Variants in MEAK7 observed in about 807,000 individuals in gnomAD.
The protein encoded by MEAK7 is MTOR-associated protein MEAK7.
In MEAK7, 68 loss-of-function variants were observed where a neutral mutation model predicts 40.5. The observed-to-expected ratio is 1.68, with a 90% confidence interval of 1.38 to 2.06. MEAK7 has a LOEUF of 2.06. Ranked by LOEUF, MEAK7 falls within the 30% of genes most tolerant of loss-of-function variation. The probability of loss-of-function intolerance (pLI) is 0.00; values close to 1 mark genes in which losing one functional copy is unlikely to be tolerated. For synonymous variants in MEAK7, 338 were observed against 231.9 expected (o/e 1.46, Z -4.16); for missense variants, 918 against 580.5 (o/e 1.58, Z -5.98).
intron 3 of MEAK7, among the ~76,000 whole-genome samples, chr16:84,493,408 G>T (rs78289424): frequency 1.3e-5 from 2 of 152,154 alleles, no homozygotes; most frequent in Admixed American, 6.5e-5. Flanking sequence ...GACTCATAGG[G>T]GGCTGACGTA....
intron 1 of MEAK7, 95 bp downstream of exon 1, chr16:84,504,506 C>G (rs1914740705): frequency 2.5e-6 from 2 of 814,792 alleles, no homozygotes. Context: ...GGGCAGGGCC[C>G]AGGCCTACTC....
chr16:84,490,630 C>T (rs1436573665), intron 3 of MEAK7, among the ~76,000 whole-genome samples: 1 of 124,384 alleles, frequency 8.0e-6, no homozygotes, highest in African/African-American at 3.0e-5. Context: ...TGGTTAAAGT[C>T]AGCTTAATTA....
chr16:84,490,958 A>C (rs1441219340), intron 3 of MEAK7, among the ~76,000 whole-genome samples: 2 of 120,232 alleles, frequency 1.7e-5, no homozygotes, highest in Non-Finnish European at 3.7e-5. Context: ...TAAACAGACC[A>C]GTTCCTCTCA....
At chr16:84,480,742 G>A (rs200178323) in intron 6 of MEAK7, 34 bp from the exon 7 acceptor site, 2 of 1,581,128 alleles carry the variant, frequency 1.3e-6, no homozygotes, top group South Asian at 2.3e-5. Flanking sequence ...AATAGCATCA[G>A]CAACTCCTCA....
In MEAK7 at chr16:84,479,069, A is replaced by G. The variant is rs1232582689; in HGVS notation, c.*844T>C. ...CTGTTCCTCACACACATTCATTTAA[A>G]AACAGCTGAGAGAGCTGGGTGTGGA... On this transcript the variant is annotated 3_prime_UTR_variant, in exon 8 of 8. Transcript: ENST00000343629. 6.6e-6 allele frequency: 1 copy of G among 152,202 alleles called. No homozygotes were observed. The highest frequency in any genetic ancestry group is 1.9e-4 in the East Asian group (1 of 5,196). The allele number at this position is 152,202 out of a possible 1,614,324, so 9.4% of individuals were successfully genotyped here.
chr16:84,503,299 C>T (rs394001), intron 1 of MEAK7, among the ~76,000 whole-genome samples: 28,943 of 152,164 alleles, frequency 0.19, 2,808 homozygotes, highest in South Asian at 0.25. Context: ...ACGGGTTGGA[C>T]GAGCTTGCCC....
chr16:84,480,393 C>A, intron 7 of MEAK7, 136 bp downstream of exon 7: 2 of 1,087,396 alleles, frequency 1.8e-6, no homozygotes, highest in Non-Finnish European at 2.6e-6. Flanking sequence ...GGCATCCAAG[C>A]CAGCATCAGC....
chr16:84,491,186 T>A (rs446113), intron 3 of MEAK7, among the ~76,000 whole-genome samples: 6 of 152,052 alleles, frequency 3.9e-5, no homozygotes, highest in Non-Finnish European at 7.4e-5. Context: ...ACGCCTGTAA[T>A]CCCTCCACTT....
chr16:84,485,485 G>C (rs1449454565), intron 5 of MEAK7, among the ~76,000 whole-genome samples: 1 of 152,186 alleles, frequency 6.6e-6, no homozygotes, highest in African/African-American at 2.4e-5. Context: ...CCTCTGCCTG[G>C]TGGAGAAATG....
At position 84,480,501 on chromosome 16, in the gene MEAK7, C is replaced by T. The variant is rs201462003; in HGVS notation, c.1257+28G>A. 3.5e-4 allele frequency: 553 copies of T among 1,568,224 alleles called. 1 individual carries two copies. The highest frequency in any genetic ancestry group is 8.1e-4 in the Admixed American group (43 of 53,000). On this transcript the variant is annotated intron_variant, in intron 7 of 7. Transcript: ENST00000343629. ...AGGCCCCCAGGCTCAAGGGGCCATC[C>T]TGGGATGCAGAGGACAGCTCCACTC... is the stretch of plus-strand genomic sequence containing the variant.
rs148752101 is a variant in MEAK7 at position 84,477,991 on chromosome 16, G to A, written c.*1922C>T. On this transcript the variant is annotated 3_prime_UTR_variant, in exon 8 of 8. Transcript: ENST00000343629. The stretch of plus-strand genomic sequence containing the variant: ...TGGACAAAGTCCTAACCTTTGCAGC[G>A]GCCTGGGCAGAAGCAGCAATCAATG... 5.3e-5 allele frequency: 8 copies of A among 152,324 alleles called. No individual in the cohort carries two copies. The highest frequency in any genetic ancestry group is 1.9e-4 in the East Asian group (1 of 5,184). The allele number at this position is 152,324 out of a possible 1,614,324, so 9.4% of individuals were successfully genotyped here.
chr16:84,481,336 G>A (rs1317882943), intron 6 of MEAK7, among the ~76,000 whole-genome samples: 1 of 151,854 alleles, frequency 6.6e-6, no homozygotes, highest in Non-Finnish European at 1.5e-5. Context: ...CCCTAGTTCT[G>A]ACCTTGGGCA....
rs547311176 is a variant in MEAK7, at chr16:84,479,946, G to A, written c.1338C>T (p.Ser446=). ...CGTCCGGGACTTCCCGGAGCCCTTC[G>A]CTGTGGCGCGAATGCCCACTGATCT... The part of the protein sequence containing the change: ...LLEISGHSRH[S]EGLREVPDDE The change falls in exon 8 of 8, where the codon AGC becomes AGT. Residue 446 remains serine, a synonymous_variant. Transcript: ENST00000343629. 127 of 1,610,072 alleles carry A rather than the reference G, an allele frequency of 7.9e-5. 3 individuals are homozygous for A. The highest frequency in any genetic ancestry group is 6.0e-4 in the South Asian group (54 of 90,744).
chr16:84,487,689 T>C (rs1488695145), intron 4 of MEAK7: 2 of 152,554 alleles, frequency 1.3e-5, no homozygotes, highest in Non-Finnish European at 2.9e-5. Context: ...ATACAGCACT[T>C]GGAGCCCTAT....
At chr16:84,487,970 G>A (rs998028797) in intron 4 of MEAK7, 2 of 152,140 alleles carry the variant, frequency 1.3e-5, no homozygotes, top group Non-Finnish European at 2.9e-5. Context: ...TCCCAACCTA[G>A]CGAAAATTTG....
chr16:84,495,679 C>A lies in MEAK7; in HGVS notation c.384+4G>T, dbSNP rs1313647780. The A allele has an allele frequency of 8.7e-6, 14 of 1,614,140 alleles. No homozygotes were observed. The highest frequency in any genetic ancestry group is 9.3e-6 in the Non-Finnish European group (11 of 1,179,994). On this transcript the variant is annotated splice_donor_region_variant and intron_variant, in intron 3 of 7. Coordinates refer to ENST00000343629, the MANE Select transcript of MEAK7 (RefSeq NM_020947.4). ...GGCTGCAAAGGACCTCGCGGCCTCA[C>A]TACCTTTTGGACTTCTCTGGCCTTC...
At chr16:84,481,007 T>C (rs1196764419) in intron 6 of MEAK7, among the ~76,000 whole-genome samples, 1 of 152,086 alleles carries the variant, frequency 6.6e-6, no homozygotes, top group Non-Finnish European at 1.5e-5. Flanking sequence ...AAATGTTAAA[T>C]ATATATAGAG....
At chr16:84,488,711 T>C (rs1245351430) in intron 4 of MEAK7, among the ~76,000 whole-genome samples, 3 of 151,786 alleles carry the variant, frequency 2.0e-5, no homozygotes, top group Admixed American at 6.6e-5. Context: ...AATGAAAAAA[T>C]CCTAAGGGAC....
chr16:84,494,769 C>G, intron 3 of MEAK7: 1 of 454,576 alleles, frequency 2.2e-6, no homozygotes, highest in Non-Finnish European at 4.4e-6. Context: ...CTGGACATGA[C>G]AGATCAGACA....
Sources: gnomAD v4.1 joint callset for allele counts (sites outside exome capture counted in the v4.1 genomes callset) on GRCh38, gnomAD v4.1.1 for gene constraint, MANE v1.5 for transcripts, NCBI Gene and HGNC (gene_info 2026-07-23, HGNC 2026-07-21) for gene names.